Variants in CNTN5 observed in about 807,000 individuals in gnomAD.
The protein encoded by CNTN5 is contactin 5, also known as contactin-5.
A neutral mutation model predicts 129.1 loss-of-function variants in CNTN5; 77 were observed. The observed-to-expected ratio is 0.60, with a 90% CI of 0.50 to 0.72. The LOEUF (loss-of-function observed/expected upper bound fraction) is 0.72, where lower values mean the gene tolerates loss of function less well. Among genes scored for constraint, CNTN5 ranks in the 30% least tolerant of loss-of-function variants. The pLI is 0.00. For synonymous variants in CNTN5, 509 were observed against 465.6 expected, an observed-to-expected ratio of 1.09 and a Z score of -1.20; for missense variants, 1,478 against 1,328.8, an observed-to-expected ratio of 1.11 and a Z score of -1.75.
At chr11:99,236,562 A>T (rs1245570706) in intron 1 of CNTN5, among the ~76,000 whole-genome samples, 1 of 152,032 alleles carries the variant, frequency 6.6e-6, no homozygotes, top group Non-Finnish European at 1.5e-5. Flanking sequence ...CTAAATTTAT[A>T]ATCTAAGAAA....
chr11:99,322,991 C>T (rs1249927609), intron 1 of CNTN5, among the ~76,000 whole-genome samples: 4 of 152,026 alleles, frequency 2.6e-5, no homozygotes, highest in Admixed American at 6.6e-5. Flanking sequence ...TTCAGTAAGT[C>T]GCCTACGATT....
intron 2 of CNTN5, among the ~76,000 whole-genome samples, chr11:99,446,944 G>A (rs1431885512): frequency 6.6e-6 from 1 of 152,054 alleles, no homozygotes; most frequent in Non-Finnish European, 1.5e-5. Flanking sequence ...GGCTTACTTG[G>A]TCTGGCTCTT....
chr11:99,782,851 G>A (rs994970141), intron 3 of CNTN5, among the ~76,000 whole-genome samples: 10 of 151,690 alleles, frequency 6.6e-5, no homozygotes, highest in African/African-American at 1.9e-4. Flanking sequence ...AGACTTAAAC[G>A]TTAGACCTAA....
intron 2 of CNTN5, among the ~76,000 whole-genome samples, chr11:99,335,168 C>A (rs1866168851): frequency 6.6e-6 from 1 of 152,098 alleles, no homozygotes; most frequent in African/African-American, 2.4e-5. Flanking sequence ...ATTCTCACAG[C>A]AACTTACTAG....
chr11:99,843,840 G>T (rs938360814), intron 4 of CNTN5, among the ~76,000 whole-genome samples: 3 of 152,102 alleles, frequency 2.0e-5, no homozygotes, highest in Non-Finnish European at 4.4e-5. Context: ...TCAAATTCAT[G>T]ATCAATGAAA....
chr11:100,340,425 C>T (rs752104947), intron 21 of CNTN5, 38 bp from the exon 22 acceptor site: 80 of 1,504,814 alleles, frequency 5.3e-5, no homozygotes, highest in Non-Finnish European at 4.4e-5. Context: ...ACAGAGGAAG[C>T]TTTAAAATTA....
chr11:99,204,131 A>G (rs1048097896), intron 1 of CNTN5, among the ~76,000 whole-genome samples: 3 of 152,222 alleles, frequency 2.0e-5, no homozygotes, highest in Non-Finnish European at 2.9e-5. Context: ...TTGACTTAAC[A>G]TTAAGGAAAA....
At chr11:99,641,208 G>T (rs1331777001) in intron 3 of CNTN5, among the ~76,000 whole-genome samples, 4 of 152,100 alleles carry the variant, frequency 2.6e-5, no homozygotes, top group African/African-American at 9.7e-5. Context: ...AAATAATCCA[G>T]CTATTGGGAT....
chr11:100,216,891 T>C (rs970339243), intron 15 of CNTN5, among the ~76,000 whole-genome samples: 1 of 151,850 alleles, frequency 6.6e-6, no homozygotes, highest in African/African-American at 2.4e-5. Context: ...CAAGGAGGGG[T>C]TTCCTAGATG....
intron 8 of CNTN5, among the ~76,000 whole-genome samples, chr11:99,969,451 CTT>C (rs1224352898): frequency 6.6e-6 from 1 of 152,070 alleles, no homozygotes; most frequent in East Asian, 1.9e-4. Flanking sequence ...GTTTATCTAA[CTT>C]TTTTTAATAT....
In CNTN5 at chr11:99,294,526, A is replaced by AAAATAATG. The variant is rs577638692; in HGVS notation, c.-209-30819_-209-30812dup. Among the ~76,000 whole-genome samples the AAAATAATG allele has an allele frequency of 1.5e-4, 23 of 152,342 alleles. 1 individual carries two copies. In the South Asian group the frequency reaches 4.8e-3, roughly 32 times the overall value. ...TCACAGAATTTTAAAAAGAACACAC[A>AAAATAATG]AAATAATGGAAAGATATCCCATGTT... On this transcript the variant is annotated intron_variant, in intron 1 of 24. Coordinates refer to ENST00000524871, the MANE Select transcript of CNTN5 (RefSeq NM_014361.4).
At chr11:100,113,854 CT>C (rs1431793187) in intron 13 of CNTN5, among the ~76,000 whole-genome samples, 1 of 152,006 alleles carries the variant, frequency 6.6e-6, no homozygotes, top group African/African-American at 2.4e-5. Context: ...TGTAATTTCA[CT>C]TTTTTTAAAC....
intron 3 of CNTN5, among the ~76,000 whole-genome samples, chr11:99,646,885 T>G (rs751922740): frequency 1.6e-4 from 25 of 151,912 alleles, no homozygotes; most frequent in Non-Finnish European, 2.8e-4. Context: ...AGTAGATGAT[T>G]GGCTTTTTTG....
rs190535441 is a variant in CNTN5, at chr11:99,631,110, C to A, written c.55+74841C>A. On this transcript the variant is annotated intron_variant, in intron 3 of 24. Coordinates refer to ENST00000524871, the MANE Select transcript of CNTN5 (RefSeq NM_014361.4). ...AAATTAATCATGACAAACCAACAAGCAAAGAATCACACTGAGTGCTTTTCA... is the reference window on the plus strand; with the variant it reads ...AAATTAATCATGACAAACCAACAAGAAAAGAATCACACTGAGTGCTTTTCA... Among the ~76,000 whole-genome samples, 346 of 152,200 alleles carry A rather than the reference C, an allele frequency of 2.3e-3. 7 individuals are homozygous for A. Among genetic ancestry groups the A allele is most frequent in the Admixed American group, 0.019 (286 of 15,274 alleles).
intron 21 of CNTN5, among the ~76,000 whole-genome samples, chr11:100,331,817 C>T (rs1026376944): frequency 7.2e-5 from 11 of 152,068 alleles, no homozygotes; most frequent in African/African-American, 2.6e-4. Context: ...ATCAAAACCT[C>T]TGAGATACAG....
chr11:99,613,067 T>C (rs1950639153), intron 3 of CNTN5, among the ~76,000 whole-genome samples: 1 of 152,086 alleles, frequency 6.6e-6, no homozygotes, highest in Admixed American at 6.6e-5. Context: ...TGGCTCAAGG[T>C]CTTTAGTCCA....
intron 3 of CNTN5, among the ~76,000 whole-genome samples, chr11:99,627,983 C>A (rs1023947963): frequency 6.7e-6 from 1 of 149,766 alleles, no homozygotes; most frequent in African/African-American, 2.5e-5. Context: ...GCATTTCATT[C>A]TTATTTGTGT....
chr11:99,937,210 T>C (rs770182589), intron 7 of CNTN5, among the ~76,000 whole-genome samples: 11 of 152,210 alleles, frequency 7.2e-5, no homozygotes, highest in Non-Finnish European at 1.0e-4. Context: ...GCGGTGTAAC[T>C]GTAATTAGAA....
intron 2 of CNTN5, among the ~76,000 whole-genome samples, chr11:99,522,749 G>A (rs976462536): frequency 2.0e-5 from 3 of 152,130 alleles, no homozygotes; most frequent in Non-Finnish European, 4.4e-5. Flanking sequence ...CTACTTTTAG[G>A]AAAGCTCATA....
Sources: allele counts gnomAD v4.1 joint callset (sites outside exome capture counted in the v4.1 genomes callset), GRCh38; gene constraint gnomAD v4.1.1; transcripts MANE v1.5; gene names NCBI Gene and HGNC (gene_info 2026-07-23, HGNC 2026-07-21).